The following KIAA1217 variants were observed in gnomAD, a reference collection of about 807,000 sequenced individuals.
The protein encoded by KIAA1217 is sickle tail protein homolog.
In KIAA1217, 88 loss-of-function variants were observed where a neutral mutation model predicts 163.9. That is an observed-to-expected ratio of 0.54 (90% CI 0.45 to 0.64). The LOEUF (loss-of-function observed/expected upper bound fraction) is 0.64. Ranked by LOEUF, KIAA1217 falls within the 30% of genes least tolerant of loss-of-function variation. The pLI is 0.00. For synonymous variants in KIAA1217, 903 were observed against 923.1 expected, an observed-to-expected ratio of 0.98 and a Z score of 0.39; for missense variants, 2,372 against 2,475.0, an observed-to-expected ratio of 0.96 and a Z score of 0.88.
intron 1 of KIAA1217, among the ~76,000 whole-genome samples, chr10:23,830,706 G>GTAGA (rs1166745195): frequency 3.2e-4 from 40 of 126,982 alleles, no homozygotes; most frequent in South Asian, 1.9e-3. Flanking sequence ...AGGTAGGTAG[G>GTAGA]TAGATAGATA....
At chr10:23,775,798 T>C (rs1483989957) in intron 1 of KIAA1217, among the ~76,000 whole-genome samples, 1 of 152,218 alleles carries the variant, frequency 6.6e-6, no homozygotes, top group Non-Finnish European at 1.5e-5. Flanking sequence ...ATCTGGATTT[T>C]CTTCCTTTGA....
rs1188941657 is a variant in KIAA1217, at chr10:24,294,007, G to C, written c.354+74098G>C. Reference sequence around the variant, plus strand: ...AGGAGATGGAGACCATCCTGGCTAAGACGGGGAAACACCGTCTCTAATAAA... The same window carrying C: ...AGGAGATGGAGACCATCCTGGCTAACACGGGGAAACACCGTCTCTAATAAA... On this transcript the variant is annotated intron_variant, in intron 2 of 20. Transcript: ENST00000376454. Among the ~76,000 whole-genome samples, 3 of 151,924 alleles carry C rather than the reference G, an allele frequency of 2.0e-5. No homozygotes were observed. In the East Asian group the frequency reaches 5.8e-4, roughly 29 times the overall value.
chr10:24,259,876 G>C (rs1000026686), intron 2 of KIAA1217, among the ~76,000 whole-genome samples: 5 of 152,182 alleles, frequency 3.3e-5, no homozygotes, highest in African/African-American at 1.2e-4. Flanking sequence ...CCCACTGCCA[G>C]AGTGGAGATT....
In KIAA1217 at chr10:24,122,186, C is replaced by G. The variant is rs568518519; in HGVS notation, c.-170-97440C>G. ...TTGGAGTCCTTAGTGTCTCTTTTTC[C>G]TGTCTTTATGTCCATGTGTACCCAA... On this transcript the variant is annotated intron_variant, in intron 2 of 18. Coordinates refer to the KIAA1217 transcript ENST00000376462. Among the ~76,000 whole-genome samples, 2 of 151,826 alleles carry G rather than the reference C, an allele frequency of 1.3e-5. 1 individual carries two copies. The highest frequency in any genetic ancestry group is 4.2e-4 in the South Asian group (2 of 4,804).
intron 1 of KIAA1217, among the ~76,000 whole-genome samples, chr10:23,853,569 C>G (rs1269928141): frequency 6.6e-6 from 1 of 152,018 alleles, no homozygotes. Flanking sequence ...CTATTGATTG[C>G]AATAGTTTCA....
At chr10:24,404,948 C>T (rs546978397) in intron 3 of KIAA1217, among the ~76,000 whole-genome samples, 32 of 152,218 alleles carry the variant, frequency 2.1e-4, no homozygotes, top group African/African-American at 7.5e-4. Context: ...AGATGCAGAA[C>T]GGATTAGTAG....
At chr10:23,774,184 A>T (rs1035484451) in intron 1 of KIAA1217, among the ~76,000 whole-genome samples, 1 of 152,206 alleles carries the variant, frequency 6.6e-6, no homozygotes, top group Non-Finnish European at 1.5e-5. Flanking sequence ...TGAGTATTTA[A>T]AAAAGGAAAT....
At position 23,745,402 on chromosome 10, in the gene KIAA1217, G is replaced by A. The variant is rs183721836; in HGVS notation, c.-321+50168G>A. ...GTAATAACATCACGTCGAGTTGCTC[G>A]GTTTGTCTGGCTTGTGTTCCTATAC... On this transcript the variant is annotated intron_variant, in intron 1 of 18. Coordinates refer to the KIAA1217 transcript ENST00000376462. 7.1e-3 allele frequency among the ~76,000 whole-genome samples: 1,085 copies of A among 152,230 alleles called. 7 individuals are homozygous for A. Among genetic ancestry groups the A allele is most frequent in the Middle Eastern group, 0.01 (3 of 292 alleles).
chr10:23,787,518 C>A (rs1221150360), intron 1 of KIAA1217, among the ~76,000 whole-genome samples: 1 of 151,916 alleles, frequency 6.6e-6, no homozygotes, highest in Non-Finnish European at 1.5e-5. Context: ...AGAAAATAGA[C>A]CATTAAGGTA....
At chr10:24,347,560 G>T (rs1411217805) in intron 2 of KIAA1217, among the ~76,000 whole-genome samples, 1 of 152,144 alleles carries the variant, frequency 6.6e-6, no homozygotes, top group Non-Finnish European at 1.5e-5. Flanking sequence ...CATGGAAAAA[G>T]CCATAAGGCT....
intron 1 of KIAA1217, among the ~76,000 whole-genome samples, chr10:23,786,244 G>A (rs1362442835): frequency 3.3e-5 from 5 of 152,054 alleles, no homozygotes; most frequent in Middle Eastern, 3.4e-3. Context: ...TGACTTAGGC[G>A]GTAAGGACAG....
intron 2 of KIAA1217, among the ~76,000 whole-genome samples, chr10:24,177,482 C>T (rs760795330): frequency 3.8e-4 from 57 of 150,810 alleles, no homozygotes; most frequent in Admixed American, 2.0e-4. Flanking sequence ...AACATGCACA[C>T]GCAAGTATCT....
chr10:24,333,517 G>A (rs2045957569), intron 2 of KIAA1217, among the ~76,000 whole-genome samples: 1 of 152,178 alleles, frequency 6.6e-6, no homozygotes, highest in Non-Finnish European at 1.5e-5. Context: ...TTGGGTATGA[G>A]ATCCCATCAC....
intron 1 of KIAA1217, among the ~76,000 whole-genome samples, chr10:24,218,603 C>G (rs557740863): frequency 1.2e-4 from 19 of 152,156 alleles, no homozygotes; most frequent in African/African-American, 4.6e-4. Flanking sequence ...ATTCTCCTGC[C>G]TCAGCCTCCC....
intron 2 of KIAA1217, among the ~76,000 whole-genome samples, chr10:24,098,724 C>CGTGTGTGTGTGTGTGTGTGT (rs10524680): frequency 5.0e-4 from 69 of 139,362 alleles, no homozygotes; most frequent in African/African-American, 1.3e-3. Context: ...TGAAGGGGAG[C>CGTGTGTGTGTGTGTGTGTGT]GTGTGTGTGT....
intron 1 of KIAA1217, among the ~76,000 whole-genome samples, chr10:23,730,609 G>C (rs1168856843): frequency 6.6e-6 from 1 of 151,900 alleles, no homozygotes; most frequent in Non-Finnish European, 1.5e-5. Flanking sequence ...ACAATATTGA[G>C]TCTTCCTATC....
chr10:23,842,796 A>G (rs1393788470), intron 1 of KIAA1217, among the ~76,000 whole-genome samples: 2 of 151,970 alleles, frequency 1.3e-5, no homozygotes, highest in Admixed American at 1.3e-4. Flanking sequence ...AAGAGTTTCC[A>G]AAATGGACTT....
intron 2 of KIAA1217, among the ~76,000 whole-genome samples, chr10:24,107,227 A>G (rs551140744): frequency 6.6e-6 from 1 of 152,186 alleles, no homozygotes; most frequent in South Asian, 2.1e-4. Context: ...ATTCTTTTTT[A>G]TGGCTGCATA....
At chr10:23,967,463 G>T (rs1266753887) in intron 1 of KIAA1217, among the ~76,000 whole-genome samples, 1 of 152,086 alleles carries the variant, frequency 6.6e-6, no homozygotes, top group Non-Finnish European at 1.5e-5. Context: ...TAATAGAAGT[G>T]CAAGAAGTCC....
Sources: allele counts gnomAD v4.1 joint callset (sites outside exome capture counted in the v4.1 genomes callset), GRCh38; gene constraint gnomAD v4.1.1; transcripts MANE v1.5; gene names NCBI Gene and HGNC (gene_info 2026-07-23, HGNC 2026-07-21).